The following CEMIP2 variants were observed in gnomAD, a reference collection of about 807,000 sequenced individuals.
The protein encoded by CEMIP2 is cell surface hyaluronidase CEMIP2.
In CEMIP2, 79 loss-of-function variants were observed where a neutral mutation model predicts 146.9. The ratio of observed to expected loss-of-function variants is 0.54; its 90% CI spans 0.45 to 0.65. The LOEUF (loss-of-function observed/expected upper bound fraction) is 0.65. Among genes scored for constraint, CEMIP2 ranks in the 30% least tolerant of loss-of-function variants. The pLI is 0.00. For missense variants in CEMIP2, 1,596 were observed against 1,696.2 expected (o/e 0.94, Z 1.04); for synonymous variants, 601 against 606.3 (o/e 0.99, Z 0.13).
intron 17 of CEMIP2, among the ~76,000 whole-genome samples, chr9:71,706,259 T>C (rs967761607): frequency 6.8e-6 from 1 of 147,106 alleles, no homozygotes; most frequent in African/African-American, 2.5e-5. Flanking sequence ...AAAAAGCACA[T>C]ATTCCACTAA....
At chr9:71,690,370 C>T in intron 21 of CEMIP2, 124 bp from the exon 22 acceptor site, 1 of 1,238,770 alleles carries the variant, frequency 8.1e-7, no homozygotes. Context: ...TTCCAAGATT[C>T]AAATTGTGTG....
chr9:71,711,634 T>C (rs745411413), intron 16 of CEMIP2, among the ~76,000 whole-genome samples: 7 of 152,066 alleles, frequency 4.6e-5, no homozygotes, highest in Non-Finnish European at 1.0e-4. Flanking sequence ...ACCTAATTTG[T>C]ATCACACTGC....
intron 4 of CEMIP2, among the ~76,000 whole-genome samples, chr9:71,741,631 G>GTTT (rs11334265): frequency 0.033 from 2,384 of 73,216 alleles, 138 homozygotes; most frequent in East Asian, 0.042. Flanking sequence ...TTCTTTTCTG[G>GTTT]TTTTTTTTTT....
intron 7 of CEMIP2, 111 bp downstream of exon 7, chr9:71,732,240 C>T (rs1823639908): frequency 2.6e-6 from 3 of 1,133,144 alleles, no homozygotes; most frequent in Non-Finnish European, 3.7e-6. Context: ...AGAAACAAAA[C>T]ATGATTTGCT....
At chr9:71,727,164 T>C (rs1444890774) in intron 10 of CEMIP2, among the ~76,000 whole-genome samples, 1 of 152,230 alleles carries the variant, frequency 6.6e-6, no homozygotes, top group Admixed American at 6.5e-5. Flanking sequence ...TTTTCTCACA[T>C]GAGCCACAGT....
At chr9:71,700,866 C>A in intron 18 of CEMIP2, 42 bp from the exon 19 acceptor site, 2 of 1,558,712 alleles carry the variant, frequency 1.3e-6, no homozygotes, top group Non-Finnish European at 1.7e-6. Context: ...ACACTTCAGC[C>A]ATTATCTGTT....
chr9:71,699,304 A>G, intron 19 of CEMIP2: 1 of 332,502 alleles, frequency 3.0e-6, no homozygotes, highest in South Asian at 2.3e-5. Context: ...ACAAAAATTG[A>G]AAATCAATGC....
chr9:71,700,898 T>G, intron 18 of CEMIP2, 74 bp from the exon 19 acceptor site: 1 of 1,334,516 alleles, frequency 7.5e-7, no homozygotes, highest in African/African-American at 1.5e-5. Context: ...CGTATGCAGA[T>G]AACTGTCCTT....
rs545655488 is a variant in CEMIP2, at chr9:71,714,204, C to A, written c.2591+730G>T. 8.5e-5 allele frequency among the ~76,000 whole-genome samples: 13 copies of A among 152,332 alleles called. No individual in the cohort carries two copies. In the East Asian group the frequency reaches 2.3e-3, roughly 27 times the overall value. On this transcript the variant is annotated intron_variant, in intron 15 of 23. Coordinates refer to ENST00000377044, the MANE Select transcript of CEMIP2 (RefSeq NM_013390.3). ...GATTCTTAAAGAATTATGACATGGG[C>A]TCAGATGTGAGGCCTAAAAACACTG...
At chr9:71,734,449 A>G (rs1823707478) in intron 6 of CEMIP2, among the ~76,000 whole-genome samples, 1 of 152,184 alleles carries the variant, frequency 6.6e-6, no homozygotes, top group Admixed American at 6.5e-5. Context: ...GCAGCAAACC[A>G]CCATGGCACA....
At chr9:71,766,004 T>G (rs951952095) in intron 1 of CEMIP2, among the ~76,000 whole-genome samples, 19 of 152,194 alleles carry the variant, frequency 1.2e-4, no homozygotes, top group African/African-American at 4.3e-4. Context: ...TGCACACATT[T>G]ACATACAGCA....
intron 17 of CEMIP2, among the ~76,000 whole-genome samples, chr9:71,708,971 C>G (rs112286338): frequency 2.0e-5 from 3 of 152,140 alleles, no homozygotes; most frequent in Admixed American, 6.6e-5. Flanking sequence ...GTTCTTGTCC[C>G]AACTACGTTC....
At chr9:71,694,693 G>A (rs1237332019) in intron 20 of CEMIP2, 86 bp from the exon 21 acceptor site, 1 of 821,080 alleles carries the variant, frequency 1.2e-6, no homozygotes. Flanking sequence ...TATAATTAAA[G>A]CCAGTGGTTG....
chr9:71,738,820 G>C (rs1402737043), intron 5 of CEMIP2, among the ~76,000 whole-genome samples: 4 of 151,788 alleles, frequency 2.6e-5, no homozygotes, highest in Admixed American at 2.6e-4. Flanking sequence ...CTGGGCAACA[G>C]AGTGAGACTC....
At chr9:71,700,556 T>C in intron 19 of CEMIP2, 86 bp downstream of exon 19, 1 of 1,406,510 alleles carries the variant, frequency 7.1e-7, no homozygotes, top group African/African-American at 1.4e-5. Flanking sequence ...GCTGCTTCAC[T>C]AAACAGCCGC....
chr9:71,757,385 C>T (rs1450763431), intron 1 of CEMIP2, among the ~76,000 whole-genome samples: 1 of 152,128 alleles, frequency 6.6e-6, no homozygotes, highest in East Asian at 1.9e-4. Flanking sequence ...ATTTTTTAAA[C>T]AATACTCAAC....
intron 21 of CEMIP2, 37 bp from the exon 22 acceptor site, chr9:71,690,283 T>C: frequency 6.2e-7 from 1 of 1,602,622 alleles, no homozygotes. Context: ...GTCATCATCA[T>C]TTTGAGAACA....
upstream of CEMIP2, chr9:71,769,012 G>C (rs1260058070): frequency 6.6e-6 from 1 of 152,156 alleles, no homozygotes; most frequent in Non-Finnish European, 1.5e-5. Flanking sequence ...CGCTCCCCGC[G>C]AGCTGCGAAA....
intron 1 of CEMIP2, among the ~76,000 whole-genome samples, chr9:71,754,883 A>G (rs566876001): frequency 1.8e-5 from 2 of 114,214 alleles, no homozygotes; most frequent in African/African-American, 6.5e-5. Flanking sequence ...ATCTACTTAA[A>G]ATATACAAAT....
Sources: gnomAD v4.1 joint callset for allele counts (sites outside exome capture counted in the v4.1 genomes callset) on GRCh38, gnomAD v4.1.1 for gene constraint, MANE v1.5 for transcripts, NCBI Gene and HGNC (gene_info 2026-07-23, HGNC 2026-07-21) for gene names.